The following WDR41 variants were observed in gnomAD, a reference collection of about 807,000 sequenced individuals.
WDR41 encodes the protein WD repeat-containing protein 41.
In WDR41, 63 loss-of-function variants were observed where a neutral mutation model predicts 69.3. The observed-to-expected ratio is 0.91, with a 90% CI of 0.74 to 1.12. The LOEUF (loss-of-function observed/expected upper bound fraction) is 1.12. Ranked by LOEUF, WDR41 falls within the 50% of genes most tolerant of loss-of-function variation. The probability of loss-of-function intolerance (pLI) is 0.00; values close to 1 mark genes in which losing one functional copy is unlikely to be tolerated. For synonymous variants in WDR41, 185 were observed against 192.1 expected (o/e 0.96, Z 0.31); for missense variants, 543 against 534.5 (o/e 1.02, Z -0.16).
chr5:77,542,708 A>G (rs1743114242), intron 1 of WDR41, among the ~76,000 whole-genome samples: 2 of 152,234 alleles, frequency 1.3e-5, no homozygotes, highest in African/African-American at 2.4e-5. Flanking sequence ...GACAAGAGAA[A>G]TAAATAAAAG....
chr5:77,561,589 G>C (rs1180088594), intron 1 of WDR41, among the ~76,000 whole-genome samples: 1 of 152,030 alleles, frequency 6.6e-6, no homozygotes. Flanking sequence ...ACTTCAACTT[G>C]AATGGGATTG....
intron 1 of WDR41, among the ~76,000 whole-genome samples, chr5:77,513,235 C>T (rs2061515): frequency 0.63 from 95,674 of 151,956 alleles, 31,748 homozygotes; most frequent in African/African-American, 0.84. Context: ...CTGAGCCTAA[C>T]TAATAGATTT....
chr5:77,598,644 C>CTTTTTTTTTTTTTT lies in WDR41; in HGVS notation c.42+21834_42+21835insAAAAAAAAAAAAAA, dbSNP rs765785617. Among the ~76,000 whole-genome samples the CTTTTTTTTTTTTTT allele has an allele frequency of 4.1e-5, 5 of 121,356 alleles. 1 individual carries two copies. The highest frequency in any genetic ancestry group is 8.7e-5 in the African/African-American group (3 of 34,410). 79.6% of individuals were successfully genotyped at this position (121,356 alleles called of 152,430 possible). On this transcript the variant is annotated intron_variant, in intron 1 of 5. Coordinates refer to the WDR41 transcript ENST00000509971. Reference sequence around the variant, plus strand: ...GAAGTTATGTGAATCAGTAAGTTTCCTTTTTTTTTTTGTTTTTTTTGTAGC... The same window carrying CTTTTTTTTTTTTTT: ...GAAGTTATGTGAATCAGTAAGTTTCCTTTTTTTTTTTTTTTTTTTTTTTTTGTTTTTTTTGTAGC...
chr5:77,451,761 C>G (rs1799636839), intron 6 of WDR41: 1 of 162,490 alleles, frequency 6.2e-6, no homozygotes, highest in African/African-American at 2.4e-5. Flanking sequence ...AGCAGGCTCC[C>G]TGGCATTGAA....
chr5:77,591,706 C>T (rs774140352), intron 1 of WDR41, among the ~76,000 whole-genome samples: 16 of 152,044 alleles, frequency 1.1e-4, no homozygotes, highest in Non-Finnish European at 1.8e-4. Flanking sequence ...GGGGTTTACT[C>T]GTTTTTCTGT....
At chr5:77,512,948 T>G (rs1269014824) in intron 1 of WDR41, among the ~76,000 whole-genome samples, 1 of 152,160 alleles carries the variant, frequency 6.6e-6, no homozygotes, top group Non-Finnish European at 1.5e-5. Flanking sequence ...TTAGGAAGTC[T>G]TAATTAGCAA....
At chr5:77,589,165 G>T (rs1744092074) in intron 1 of WDR41, among the ~76,000 whole-genome samples, 1 of 152,096 alleles carries the variant, frequency 6.6e-6, no homozygotes, top group Non-Finnish European at 1.5e-5. Context: ...ATATTGATTT[G>T]GGGGTTACAA....
Position 77,530,330 on chromosome 5 carries a change from T to C in WDR41, c.43-40758A>G, listed in dbSNP as rs74761110. ...AAAAAGACTTGGACAAGAATGTTGA[T>C]TGCATCTTTATTAATAAGAGCCCTG... On this transcript the variant is annotated intron_variant, in intron 1 of 5. Coordinates refer to the WDR41 transcript ENST00000509971. 7.3e-3 allele frequency among the ~76,000 whole-genome samples: 1,106 copies of C among 151,710 alleles called. 18 individuals carry two copies. Among genetic ancestry groups the C allele is most frequent in the African/African-American group, 0.025 (1,057 of 41,510 alleles).
At chr5:77,583,133 A>G (rs1743971728) in intron 1 of WDR41, 4 of 1,379,842 alleles carry the variant, frequency 2.9e-6, no homozygotes, top group Non-Finnish European at 4.1e-6. Context: ...GGTGTCTACC[A>G]TGATTATTTT....
At chr5:77,438,179 C>T in intron 10 of WDR41, 61 bp downstream of exon 10, 1 of 1,602,808 alleles carries the variant, frequency 6.2e-7, no homozygotes, top group Non-Finnish European at 8.5e-7. Flanking sequence ...AGAAATTACA[C>T]TGGTAGCCCT....
intron 1 of WDR41, among the ~76,000 whole-genome samples, chr5:77,558,856 CT>C (rs1349863104): frequency 2.1e-5 from 3 of 144,664 alleles, no homozygotes; most frequent in Non-Finnish European, 4.5e-5. Context: ...TACTTTCATC[CT>C]TTCAAAATAA....
intron 1 of WDR41, among the ~76,000 whole-genome samples, chr5:77,616,480 G>A (rs1273973193): frequency 6.6e-6 from 1 of 152,168 alleles, no homozygotes; most frequent in Non-Finnish European, 1.5e-5. Context: ...GGGAACTAAG[G>A]ATGCCCTGGG....
chr5:77,500,075 A>C (rs531755324), intron 1 of WDR41, among the ~76,000 whole-genome samples: 1 of 152,352 alleles, frequency 6.6e-6, no homozygotes, highest in African/African-American at 2.4e-5. Flanking sequence ...GAAACACAAA[A>C]GTCTTAGCTC....
chr5:77,476,342 G>A (rs1174700180), intron 2 of WDR41, among the ~76,000 whole-genome samples: 6 of 151,034 alleles, frequency 4.0e-5, no homozygotes, highest in Admixed American at 2.0e-4. Context: ...GATACTCCTC[G>A]AGAAGAGCAA....
chr5:77,447,851 A>G (rs1799448637), intron 8 of WDR41, among the ~76,000 whole-genome samples: 1 of 152,240 alleles, frequency 6.6e-6, no homozygotes, highest in Admixed American at 6.5e-5. Flanking sequence ...ACAAACCTGC[A>G]CATTCTGCAC....
At chr5:77,505,059 C>T (rs1221772071) in intron 1 of WDR41, among the ~76,000 whole-genome samples, 1 of 152,056 alleles carries the variant, frequency 6.6e-6, no homozygotes, top group South Asian at 2.1e-4. Flanking sequence ...AAAGGGTATT[C>T]AATTAGGAAA....
At chr5:77,500,768 C>G (rs1802005421) in intron 1 of WDR41, among the ~76,000 whole-genome samples, 1 of 152,168 alleles carries the variant, frequency 6.6e-6, no homozygotes, top group Non-Finnish European at 1.5e-5. Context: ...GATAGACAAG[C>G]TGCTTCTAAT....
intron 1 of WDR41, among the ~76,000 whole-genome samples, chr5:77,540,752 A>C: frequency 6.6e-6 from 1 of 151,754 alleles, no homozygotes; most frequent in East Asian, 1.9e-4. Context: ...GGAGGGAGGA[A>C]GGAAGGAAGG....
chr5:77,446,392 T>C (rs1350591638), intron 8 of WDR41, among the ~76,000 whole-genome samples: 3 of 152,106 alleles, frequency 2.0e-5, no homozygotes, highest in African/African-American at 4.8e-5. Flanking sequence ...CAAACTACTA[T>C]TGACATCCTT....
Sources: allele counts gnomAD v4.1 joint callset (sites outside exome capture counted in the v4.1 genomes callset), GRCh38; gene constraint gnomAD v4.1.1; transcripts MANE v1.5; gene names NCBI Gene and HGNC (gene_info 2026-07-23, HGNC 2026-07-21).